ZNF217: variants seen among roughly 807,000 people sequenced by gnomAD.
ZNF217 encodes the protein zinc finger protein 217.
ZNF217 carries 12 observed loss-of-function variants against 73.3 expected under a neutral mutation model. The ratio of observed to expected loss-of-function variants is 0.16; its 90% CI spans 0.10 to 0.27. The LOEUF (loss-of-function observed/expected upper bound fraction) is 0.27. Ranked by LOEUF, ZNF217 falls within the 10% of genes least tolerant of loss-of-function variation. ZNF217 has a pLI of 1.00. For synonymous variants in ZNF217, 588 were observed against 516.4 expected, an observed-to-expected ratio of 1.14 and a Z score of -1.88; for missense variants, 1,195 against 1,327.8, an observed-to-expected ratio of 0.90 and a Z score of 1.55.
intron 1 of ZNF217, among the ~76,000 whole-genome samples, chr20:53,585,892 C>T (rs951179558): frequency 2.0e-5 from 3 of 152,110 alleles, no homozygotes; most frequent in African/African-American, 7.2e-5. Flanking sequence ...GGCAAAACAG[C>T]AGAATTCTTT....
chr20:53,573,412 T>C (rs2766674), intron 4 of ZNF217, among the ~76,000 whole-genome samples: 13,172 of 152,202 alleles, frequency 0.087, 743 homozygotes, highest in Non-Finnish European at 0.13. Context: ...TGCAGTATTG[T>C]AGCGTAACCT....
rs1466795477 is a variant in ZNF217, at chr20:53,577,145, T to C, written c.1619A>G (p.Gln540Arg). Residue 540 changes from glutamine (Q) to arginine (R), a missense_variant, in exon 4 of 6, where the codon CAG becomes CGG. By Grantham distance (43) the Gln-to-Arg change is conservative. This residue lies in a region of ZNF217 where 649 missense variants were observed against 642.8 expected (regional missense o/e 1.01). Coordinates refer to ENST00000371471, the MANE Select transcript of ZNF217 (RefSeq NM_006526.3). ...AAEVKNDGKN[Q>R]DTEDALLTAD... ...GGTTAATAGTGCATCTTCAGTGTCC[T>C]GATTTTTACCATCGTTCTTGACTTC... is the stretch of plus-strand genomic sequence containing the variant. 6.2e-7 allele frequency: 1 copy of C among 1,614,198 alleles called. No individual in the cohort carries two copies. Among genetic ancestry groups the C allele is most frequent in the East Asian group, 2.2e-5 (1 of 44,886 alleles).
chr20:53,576,467 G>A lies in ZNF217; in HGVS notation c.2297C>T (p.Pro766Leu). 6.2e-7 allele frequency: 1 copy of A among 1,614,214 alleles called. No homozygotes were observed. The highest frequency in any genetic ancestry group is 1.1e-5 in the South Asian group (1 of 91,080). ...GGGTTTACAGAAACTAGAGAGGGGAGGCACATCTTTTCCCAGCAACGCTGG... is the reference window on the plus strand; with the variant it reads ...GGGTTTACAGAAACTAGAGAGGGGAAGCACATCTTTTCCCAGCAACGCTGG... The part of the protein sequence containing the change: ...CPPALLGKDV[P>L]PLSSFCKPKP... The change falls in exon 4 of 6, where the codon CCT becomes CTT. Residue 766 changes from proline to leucine, a missense_variant. Transcript: ENST00000371471.
chr20:53,597,067 A>G (rs1437089593), upstream of ZNF217, among the ~76,000 whole-genome samples: 2 of 144,558 alleles, frequency 1.4e-5, no homozygotes, highest in Non-Finnish European at 3.0e-5. Flanking sequence ...CAGCATGCTC[A>G]GATCTAGTAA....
chr20:53,567,381 T>C lies in ZNF217; in HGVS notation c.*1907A>G, dbSNP rs1041921695. ...GGAAAATAATTGGTATTTTTATACA[T>C]TCAGAAATGTGGTTAAAAAGAGAAA... is the stretch of plus-strand genomic sequence containing the variant. On this transcript the variant is annotated 3_prime_UTR_variant, in exon 6 of 6. Coordinates refer to ENST00000371471, the MANE Select transcript of ZNF217 (RefSeq NM_006526.3). The C allele has an allele frequency of 6.6e-6, 1 of 152,650 alleles. No individual in the cohort carries two copies. Among genetic ancestry groups the C allele is most frequent in the Non-Finnish European group, 1.5e-5 (1 of 68,044 alleles). The allele number at this position is 152,650 out of a possible 1,614,324, so 9.5% of individuals were successfully genotyped here. A position where few individuals can be genotyped will look rare whatever the true frequency, so the allele number is the denominator to read the frequency against.
chr20:53,586,660 A>G (rs1167077132), intron 1 of ZNF217, among the ~76,000 whole-genome samples: 1 of 152,230 alleles, frequency 6.6e-6, no homozygotes, highest in African/African-American at 2.4e-5. Context: ...ATCCCTTAAA[A>G]CCAATTTGCT....
Position 53,581,575 on chromosome 20 carries a change from C to A in ZNF217, c.1252G>T (p.Gly418Trp). 1 of 1,614,248 alleles carries A rather than the reference C, an allele frequency of 6.2e-7. No individual in the cohort carries two copies. Among genetic ancestry groups the A allele is most frequent in the Non-Finnish European group, 8.5e-7 (1 of 1,180,044 alleles). ...GCGGCGAGGTCAGGAGAACACGTCC[C>A]CGGCTGCCTCCCGTCCACAGACATG... ...PTMSVDGRQP[G>W]TCSPDLAAPL... is the part of the protein sequence containing the mutation. The change falls in exon 2 of 6, where the codon GGG becomes TGG. Residue 418 changes from glycine (G) to tryptophan (W), a missense_variant. This residue lies in a region of ZNF217 where 116 missense variants were observed against 121.9 expected (regional missense o/e 0.95). Coordinates refer to ENST00000371471, the MANE Select transcript of ZNF217 (RefSeq NM_006526.3). The surrounding 1 kb of genome is among the most constrained non-coding windows in gnomAD (Gnocchi z 4.9).
chr20:53,571,929 A>G (rs1988029511), intron 4 of ZNF217, 76 bp from the exon 5 acceptor site: 7 of 1,442,218 alleles, frequency 4.9e-6, no homozygotes, highest in Middle Eastern at 2.1e-4. Context: ...TTAGAAGTCA[A>G]TTTTCAAAAT....
At position 53,567,108 on chromosome 20, in the gene ZNF217, T is replaced by A. The variant is rs1042589571; in HGVS notation, c.*2180A>T. On this transcript the variant is annotated 3_prime_UTR_variant, in exon 6 of 6. Coordinates refer to ENST00000371471, the MANE Select transcript of ZNF217 (RefSeq NM_006526.3). ...AAATCTATATTTACACTTCCACATA[T>A]AATAACATAACTTTAAGCTGAAATA... is the stretch of plus-strand genomic sequence containing the variant. 6.6e-6 allele frequency: 1 copy of A among 152,456 alleles called. No individual in the cohort carries two copies. Among genetic ancestry groups the A allele is most frequent in the African/African-American group, 2.4e-5 (1 of 41,390 alleles). 9.4% of individuals were successfully genotyped at this position (152,456 alleles called of 1,614,324 possible).
At chr20:53,579,353 G>C (rs1988401154) in intron 2 of ZNF217, among the ~76,000 whole-genome samples, 1 of 152,088 alleles carries the variant, frequency 6.6e-6, no homozygotes, top group East Asian at 1.9e-4. Context: ...AGACACCCTT[G>C]ATGATCTATA....
chr20:53,592,387 TG>T (rs111614720), intron 1 of ZNF217, among the ~76,000 whole-genome samples: 40,137 of 149,096 alleles, frequency 0.27, 5,809 homozygotes, highest in South Asian at 0.43. Flanking sequence ...TTCTGGGGGG[TG>T]GGGGGAAAGA....
At chr20:53,590,044 G>T (rs1287082864) in intron 1 of ZNF217, among the ~76,000 whole-genome samples, 1 of 151,784 alleles carries the variant, frequency 6.6e-6, no homozygotes, top group Non-Finnish European at 1.5e-5. Flanking sequence ...TTCCATGTTG[G>T]TAGCTGTTCT....
rs769168873 is a variant in ZNF217 at position 53,581,837 on chromosome 20, C to G, written c.990G>C (p.Glu330Asp). 1.4e-5 allele frequency: 23 copies of G among 1,614,248 alleles called. No individual in the cohort carries two copies. Among genetic ancestry groups the G allele is most frequent in the Non-Finnish European group, 1.9e-5 (22 of 1,180,044 alleles). Residue 330 changes from glutamate to aspartate, a missense_variant, in exon 2 of 6, where the codon GAG becomes GAC. By Grantham distance (45) the Glu-to-Asp change is conservative. Transcript: ENST00000371471. The surrounding 1 kb of genome is among the most constrained non-coding windows in gnomAD (Gnocchi z 4.9). ...GSTDNDDSSSEKELGETNKGS... is the reference protein window; with the variant it reads ...GSTDNDDSSSDKELGETNKGS... ...CCTTATTTGTTTCTCCAAGCTCCTTCTCGGAACTCGAATCGTCGTTGTCGG... is the reference window on the plus strand; with the variant it reads ...CCTTATTTGTTTCTCCAAGCTCCTTGTCGGAACTCGAATCGTCGTTGTCGG...
At chr20:53,572,185 A>T (rs762521830) in intron 4 of ZNF217, among the ~76,000 whole-genome samples, 30 of 152,108 alleles carry the variant, frequency 2.0e-4, no homozygotes, top group South Asian at 2.1e-4. Flanking sequence ...TGCTTTTTTT[A>T]AAATCATTTA....
At chr20:53,579,703 G>A (rs938934658) in intron 2 of ZNF217, among the ~76,000 whole-genome samples, 1 of 152,198 alleles carries the variant, frequency 6.6e-6, no homozygotes, top group African/African-American at 2.4e-5. Context: ...CATCACCTCT[G>A]ACTTTACAGT....
chr20:53,576,754 G>A lies in ZNF217; in HGVS notation c.2010C>T (p.Thr670=), dbSNP rs146851813. 2.1e-4 allele frequency: 347 copies of A among 1,614,160 alleles called. No individual in the cohort carries two copies. The highest frequency in any genetic ancestry group is 1.5e-3 in the Middle Eastern group (9 of 6,062). ...EVSPKEKQTE[T]AADCRYRPSV... is the part of the protein sequence containing the mutation. ...TTGGCCTGTATCTGCAGTCAGCTGCGGTCTCCGTTTGCTTCTCTTTGGGGC... is the reference window on the plus strand; with the variant it reads ...TTGGCCTGTATCTGCAGTCAGCTGCAGTCTCCGTTTGCTTCTCTTTGGGGC... Residue 670 remains threonine, a synonymous_variant, in exon 4 of 6, where the codon ACC becomes ACT. Coordinates refer to ENST00000371471, the MANE Select transcript of ZNF217 (RefSeq NM_006526.3).
Position 53,577,059 on chromosome 20 carries a change from C to T in ZNF217, c.1705G>A (p.Gly569Ser). 1 of 1,614,200 alleles carries T rather than the reference C, an allele frequency of 6.2e-7. No homozygotes were observed. The highest frequency in any genetic ancestry group is 8.5e-7 in the Non-Finnish European group (1 of 1,180,042). The change falls in exon 4 of 6, where the codon GGC becomes AGC. Residue 569 changes from glycine to serine, a missense_variant. Physicochemically the swap from Gly to Ser is moderately conservative, Grantham distance 56. Transcript: ENST00000371471. The part of the protein sequence containing the change: ...RFFDGAKDVT[G>S]SPPAKQLKEM... ...TTAAGCTGCTTTGCAGGTGGACTGC[C>T]TGTAACATCTTTGGCACCATCAAAA...
At chr20:53,580,784 G>A (rs1988451892) in intron 2 of ZNF217, among the ~76,000 whole-genome samples, 1 of 152,196 alleles carries the variant, frequency 6.6e-6, no homozygotes, top group Non-Finnish European at 1.5e-5. Flanking sequence ...AGACAGAAAG[G>A]ACAAGGTTTT....
intron 1 of ZNF217, 28 bp from the exon 2 acceptor site, chr20:53,583,196 G>GAT: frequency 4.9e-6 from 2 of 407,908 alleles, no homozygotes; most frequent in South Asian, 1.0e-4. Context: ...GAAACGGTTA[G>GAT]CTACACTCAG....
Sources: allele counts gnomAD v4.1 joint callset (sites outside exome capture counted in the v4.1 genomes callset), GRCh38; gene constraint gnomAD v4.1.1; regional missense constraint gnomAD v4.1.1; non-coding constraint Gnocchi (gnomAD v3.1); transcripts MANE v1.5; gene names NCBI Gene and HGNC (gene_info 2026-07-23, HGNC 2026-07-21).